The following DYSF variants were observed in gnomAD, a reference collection of about 807,000 sequenced individuals.
The protein encoded by DYSF is dysferlin.
DYSF carries 212 observed loss-of-function variants against 274.9 expected under a neutral mutation model. The ratio of observed to expected loss-of-function variants is 0.77; its 90% CI spans 0.69 to 0.86. DYSF has a LOEUF of 0.86. Among genes scored for constraint, DYSF ranks in the 40% least tolerant of loss-of-function variants. The probability of loss-of-function intolerance (pLI) is 0.00; values close to 1 mark genes in which losing one functional copy is unlikely to be tolerated. For missense variants in DYSF, 2,666 were observed against 2,783.2 expected (o/e 0.96, Z 0.95); for synonymous variants, 1,091 against 1,078.7 (o/e 1.01, Z -0.22).
intron 1 of DYSF, 62 bp downstream of exon 1, chr2:71,466,995 G>A: frequency 6.5e-7 from 1 of 1,531,072 alleles, no homozygotes; most frequent in Non-Finnish European, 8.8e-7. Context: ...GCGCTCACTG[G>A]CGGGTCTGAA....
chr2:71,526,411 T>TGGGGGGGGGTGGGGGGGGGG, intron 13 of DYSF, 65 bp downstream of exon 13: 1 of 306,930 alleles, frequency 3.3e-6, no homozygotes, highest in Non-Finnish European at 5.0e-6. Flanking sequence ...CTGGTGGGGG[T>TGGGGGGGGGTGGGGGGGGGG]GGGCGATGGC....
intron 1 of DYSF, among the ~76,000 whole-genome samples, chr2:71,471,540 G>T (rs1190908180): frequency 6.6e-6 from 1 of 152,356 alleles, no homozygotes; most frequent in Non-Finnish European, 1.5e-5. Context: ...ATAAATATGT[G>T]TGTGAAGAGA....
intron 24 of DYSF, among the ~76,000 whole-genome samples, chr2:71,564,876 C>T (rs1469384101): frequency 1.3e-5 from 2 of 152,190 alleles, no homozygotes; most frequent in Non-Finnish European, 2.9e-5. Flanking sequence ...TTGGGGAGAG[C>T]CCATCTGTGC....
chr2:71,638,814 G>A (rs1572892677), intron 41 of DYSF, among the ~76,000 whole-genome samples: 2 of 152,266 alleles, frequency 1.3e-5, no homozygotes, highest in South Asian at 4.1e-4. Context: ...TTTTTGTGTA[G>A]ACATAAGTTT....
intron 17 of DYSF, chr2:71,549,531 C>A: frequency 1.3e-6 from 1 of 790,448 alleles, no homozygotes. Context: ...AGTCCCTGGA[C>A]TTACCTTTGC....
chr2:71,624,682 G>GT (rs5832060), intron 41 of DYSF, among the ~76,000 whole-genome samples: 3,723 of 152,254 alleles, frequency 0.024, 67 homozygotes, highest in Middle Eastern at 0.099. Context: ...CGACAATCAT[G>GT]TAATTTAAAA....
chr2:71,529,723 A>G (rs903503590), intron 14 of DYSF, among the ~76,000 whole-genome samples: 1 of 152,168 alleles, frequency 6.6e-6, no homozygotes, highest in Admixed American at 6.5e-5. Flanking sequence ...GCTACCTCTT[A>G]TCTAATGGTC....
At chr2:71,475,780 T>C (rs755012367) in intron 1 of DYSF, among the ~76,000 whole-genome samples, 4 of 152,190 alleles carry the variant, frequency 2.6e-5, no homozygotes, top group Admixed American at 6.5e-5. Flanking sequence ...GATTATTTTA[T>C]TTTTTAGAGA....
At chr2:71,679,977 C>T (rs919021447) in intron 53 of DYSF, among the ~76,000 whole-genome samples, 5 of 152,172 alleles carry the variant, frequency 3.3e-5, no homozygotes, top group Non-Finnish European at 5.9e-5. Context: ...CCAAGACCCC[C>T]AGGGGATGCC....
chr2:71,570,075 T>A, intron 27 of DYSF, 141 bp downstream of exon 27: 8 of 1,075,548 alleles, frequency 7.4e-6, no homozygotes, highest in Non-Finnish European at 1.1e-5. Flanking sequence ...AAAGGGAAAG[T>A]GTGGGGTGCA....
chr2:71,499,172 ATAT>A (rs2084720978), intron 3 of DYSF, among the ~76,000 whole-genome samples: 1 of 152,200 alleles, frequency 6.6e-6, no homozygotes, highest in Non-Finnish European at 1.5e-5. Context: ...CAGAGATCTT[ATAT>A]TATTGCTTAA....
intron 40 of DYSF, among the ~76,000 whole-genome samples, chr2:71,619,719 G>T (rs991189376): frequency 2.0e-5 from 3 of 152,054 alleles, no homozygotes; most frequent in Non-Finnish European, 4.4e-5. Context: ...TTGCGCTTGC[G>T]ATTCCCTCTG....
At chr2:71,481,848 G>C (rs1282423495) in intron 2 of DYSF, 31 bp from the exon 3 acceptor site, 1 of 1,592,268 alleles carries the variant, frequency 6.3e-7, no homozygotes, top group Admixed American at 1.7e-5. Flanking sequence ...GAGGGCCATA[G>C]GTTAAGATGC....
At chr2:71,530,609 A>T (rs921744875) in intron 14 of DYSF, among the ~76,000 whole-genome samples, 1 of 152,124 alleles carries the variant, frequency 6.6e-6, no homozygotes, top group Non-Finnish European at 1.5e-5. Context: ...CTCTAGAAGG[A>T]GGTGGAGGGA....
At chr2:71,506,948 C>T (rs993372202) in intron 4 of DYSF, among the ~76,000 whole-genome samples, 5 of 152,080 alleles carry the variant, frequency 3.3e-5, no homozygotes, top group East Asian at 1.9e-4. Context: ...CAGAGCAACC[C>T]GGATGGTGCC....
chr2:71,515,997 A>C (rs2086612083), intron 8 of DYSF, among the ~76,000 whole-genome samples, 183 bp from the exon 9 acceptor site: 1 of 152,142 alleles, frequency 6.6e-6, no homozygotes, highest in African/African-American at 2.4e-5. Flanking sequence ...TGAAATGACC[A>C]CGTCTGTGAG....
In DYSF at chr2:71,503,289, C is replaced by G. The variant is rs1203731908; in HGVS notation, c.315C>G (p.Pro105=). ...GTCTGTCCGCCAGCTTCAATGCCCC[C>G]CTGCTGGACACCAAGAAGCAGCCCA... ...TPSLSASFNA[P]LLDTKKQPTG... Residue 105 remains proline (P), a synonymous_variant, in exon 4 of 56, where the codon CCC becomes CCG. Coordinates refer to ENST00000410020, the MANE Select transcript of DYSF (RefSeq NM_001130987.2). 1.9e-6 allele frequency: 3 copies of G among 1,614,146 alleles called. No individual in the cohort carries two copies. The highest frequency in any genetic ancestry group is 1.1e-5 in the South Asian group (1 of 91,084).
At position 71,553,824 on chromosome 2, in the gene DYSF, C is replaced by A; in HGVS notation, c.2002C>A (p.Leu668Ile). ...CATTCCAGGGTGCCACTACTACTAC[C>A]TACCCTGGGGTAACGTGAAACCTGT... ...AVFDGCHYYY[L>I]PWGNVKPVVV... Residue 668 changes from leucine to isoleucine, a missense_variant, in exon 21 of 56, where the codon CTA becomes ATA. Around this residue, in one of 3 missense-constraint regions of DYSF, gnomAD observed 412 missense variants for 504.0 expected, o/e 0.82. Coordinates refer to ENST00000410020, the MANE Select transcript of DYSF (RefSeq NM_001130987.2). The A allele has an allele frequency of 6.7e-7, 1 of 1,494,702 alleles. No homozygotes were observed. Among genetic ancestry groups the A allele is most frequent in the Non-Finnish European group, 9.1e-7 (1 of 1,104,344 alleles). The allele number at this position is 1,494,702 out of a possible 1,614,324, so 92.6% of individuals were successfully genotyped here. A position where few individuals can be genotyped will look rare whatever the true frequency, so the allele number is the denominator to read the frequency against.
chr2:71,645,604 C>A (rs540874753), intron 42 of DYSF, among the ~76,000 whole-genome samples: 1 of 149,742 alleles, frequency 6.7e-6, no homozygotes, highest in South Asian at 2.1e-4. Flanking sequence ...GGAAATGCAG[C>A]ATTTGGGCAA....
Sources: gnomAD v4.1 joint callset for allele counts (sites outside exome capture counted in the v4.1 genomes callset) on GRCh38, gnomAD v4.1.1 for gene constraint, gnomAD v4.1.1 regional missense constraint, MANE v1.5 for transcripts, NCBI Gene and HGNC (gene_info 2026-07-23, HGNC 2026-07-21) for gene names.